NOMO1: variants seen among roughly 807,000 people sequenced by gnomAD.
The protein encoded by NOMO1 is nodal modulator 3.
NOMO1 carries 40 observed loss-of-function variants against 133.8 expected under a neutral mutation model. The ratio of observed to expected loss-of-function variants is 0.30; its 90% CI spans 0.23 to 0.39. The LOEUF (loss-of-function observed/expected upper bound fraction) is 0.39. Among genes scored for constraint, NOMO1 ranks in the 10% least tolerant of loss-of-function variants. The probability of loss-of-function intolerance (pLI) is 1.00; values close to 1 mark genes in which losing one functional copy is unlikely to be tolerated. For synonymous variants in NOMO1, 236 were observed against 570.5 expected (o/e 0.41, Z 8.36); for missense variants, 462 against 1,419.9 (o/e 0.33, Z 10.84).
chr16:14,859,112 T>C (rs1401457095), intron 11 of NOMO1, among the ~76,000 whole-genome samples: 3 of 151,860 alleles, frequency 2.0e-5, no homozygotes, highest in African/African-American at 4.8e-5. Flanking sequence ...AGAAGAACAG[T>C]AGGCCAAAAA....
chr16:14,837,395 T>C (rs879976976), intron 1 of NOMO1, among the ~76,000 whole-genome samples: 16 of 151,988 alleles, frequency 1.1e-4, no homozygotes, highest in African/African-American at 2.9e-4. Context: ...TGAAAAGGAG[T>C]GGCTCTGTGT....
intron 11 of NOMO1, among the ~76,000 whole-genome samples, chr16:14,861,655 AC>A (rs1010609353): frequency 5.5e-5 from 8 of 146,760 alleles, no homozygotes; most frequent in African/African-American, 2.0e-4. Flanking sequence ...GGACTGGGAC[AC>A]TTTCTCTGTG....
intron 2 of NOMO1, among the ~76,000 whole-genome samples, chr16:14,839,518 A>G (rs1171815806): frequency 2.6e-5 from 4 of 151,924 alleles, no homozygotes; most frequent in Middle Eastern, 6.8e-3. Context: ...ATCCTCCCAC[A>G]TATAAACCTT....
intron 9 of NOMO1, among the ~76,000 whole-genome samples, chr16:14,855,987 A>T (rs4781623): frequency 1.2e-4 from 19 of 152,154 alleles, no homozygotes; most frequent in African/African-American, 4.3e-4. Flanking sequence ...AAAAAAAAAT[A>T]AAAAAATAAA....
At position 14,866,620 on chromosome 16, in the gene NOMO1, G is replaced by A; in HGVS notation, c.1735G>A (p.Asp579Asn). The part of the protein sequence containing the change: ...KSLEVEVLED[D>N]MSAVEFRQTG... ...CCTGGAGGTGGAAGTGCTGGAGGAT[G>A]ACATGTCTGCAGTTGAGTTCAGGCA... The change falls in exon 15 of 31, where the codon GAC (aspartate) becomes AAC (asparagine). Residue 579 changes from aspartate to asparagine, a missense_variant. Asp to Asn is a conservative substitution (Grantham distance 23). Coordinates refer to ENST00000287667, the MANE Select transcript of NOMO1 (RefSeq NM_014287.4). The A allele has an allele frequency of 6.2e-7, 1 of 1,609,796 alleles. No homozygotes were observed. The highest frequency in any genetic ancestry group is 8.5e-7 in the Non-Finnish European group (1 of 1,179,710).
At chr16:14,871,977 G>A (rs1964088131) in intron 17 of NOMO1, among the ~76,000 whole-genome samples, 1 of 152,006 alleles carries the variant, frequency 6.6e-6, no homozygotes, top group African/African-American at 2.4e-5. Context: ...ATGGGCGTCT[G>A]TCAAGTTCAA....
At chr16:14,856,678 C>T (rs1268006289) in intron 9 of NOMO1, among the ~76,000 whole-genome samples, 1 of 151,942 alleles carries the variant, frequency 6.6e-6, no homozygotes, top group Non-Finnish European at 1.5e-5. Flanking sequence ...TCCCAAAGTG[C>T]TGGGATTACA....
At chr16:14,884,113 T>C (rs562196894) in intron 26 of NOMO1, among the ~76,000 whole-genome samples, 13 of 151,426 alleles carry the variant, frequency 8.6e-5, no homozygotes, top group African/African-American at 2.9e-4. Flanking sequence ...TGAAATTTCC[T>C]AATTTTTAAC....
At chr16:14,862,139 TG>T (rs1963930574) in intron 11 of NOMO1, among the ~76,000 whole-genome samples, 1 of 151,872 alleles carries the variant, frequency 6.6e-6, no homozygotes, top group African/African-American at 2.4e-5. Context: ...CCAACATTCT[TG>T]ATTATCTTTA....
intron 15 of NOMO1, among the ~76,000 whole-genome samples, chr16:14,866,969 T>C (rs1003602339): frequency 5.4e-5 from 8 of 148,620 alleles, no homozygotes; most frequent in Non-Finnish European, 1.0e-4. Flanking sequence ...ACACTGGCTT[T>C]ATATTATTAG....
chr16:14,884,613 C>T (rs1173435419), intron 27 of NOMO1, 131 bp downstream of exon 27: 5 of 1,339,650 alleles, frequency 3.7e-6, no homozygotes, highest in Non-Finnish European at 5.3e-6. Flanking sequence ...CAGAGCGCCG[C>T]CTGCTGAGGG....
chr16:14,874,444 G>T (rs1047518957), intron 18 of NOMO1, among the ~76,000 whole-genome samples: 8 of 152,008 alleles, frequency 5.3e-5, no homozygotes, highest in African/African-American at 1.9e-4. Flanking sequence ...GAGCTGCGTG[G>T]CGCATTCTCT....
chr16:14,838,560 A>G (rs1963556436), intron 2 of NOMO1, 64 bp downstream of exon 2: 2 of 1,611,636 alleles, frequency 1.2e-6, no homozygotes, highest in Admixed American at 3.3e-5. Context: ...AGGCTGCATT[A>G]ACCATGCCCT....
chr16:14,866,088 C>T (rs990561643), intron 14 of NOMO1, among the ~76,000 whole-genome samples: 16 of 148,344 alleles, frequency 1.1e-4, no homozygotes, highest in Non-Finnish European at 1.9e-4. Flanking sequence ...AATTTAGCCT[C>T]GCTCTGTCAC....
chr16:14,866,975 A>G (rs566101455), intron 15 of NOMO1, among the ~76,000 whole-genome samples: 2 of 148,006 alleles, frequency 1.4e-5, no homozygotes, highest in East Asian at 2.0e-4. Flanking sequence ...GCTTTATATT[A>G]TTAGTAATAA....
Position 14,886,838 on chromosome 16 carries a change from C to G in NOMO1, c.3300C>G (p.Phe1100Leu). 6.2e-7 allele frequency: 1 copy of G among 1,611,722 alleles called. No homozygotes were observed. Among genetic ancestry groups the G allele is most frequent in the Non-Finnish European group, 8.5e-7 (1 of 1,179,804 alleles). ...VSLGQSLFFH[F>L]PPLLRDGENY... ...TTGGCCAGTCCCTGTTCTTCCATTT[C>G]CCCCCACTGCTCAGAGACGGCGAGG... The change falls in exon 28 of 31, where the codon TTC becomes TTG. Residue 1100 changes from phenylalanine (F) to leucine (L), a missense_variant. Transcript: ENST00000287667.
rs745714254 is a variant in NOMO1, at chr16:14,878,871, C to G, written c.2757+37C>G. 2.5e-6 allele frequency: 4 copies of G among 1,603,078 alleles called. No homozygotes were observed. In the East Asian group the frequency reaches 6.7e-5, roughly 27 times the overall value. On this transcript the variant is annotated intron_variant, in intron 23 of 30. Transcript: ENST00000287667. ...TGCAATTTACCACCTGCCTGTCTTC[C>G]CTGAGAGAGAGCCAGGATGCAGCAT...
At chr16:14,889,033 T>C in intron 28 of NOMO1, 63 bp from the exon 29 acceptor site, 1 of 1,611,418 alleles carries the variant, frequency 6.2e-7, no homozygotes, top group Non-Finnish European at 8.5e-7. Context: ...CGTTAGGTTT[T>C]AGTTTTCATT....
Position 14,833,873 on chromosome 16 carries a change from G to C in NOMO1, c.22G>C (p.Gly8Arg). MLVGQGAGPLGPAVVTAA... is the reference protein window; with the variant it reads MLVGQGARPLGPAVVTAA... ...GGCCATGCTGGTGGGCCAGGGCGCG[G>C]GGCCGCTGGGGCCCGCGGTGGTCAC... is the stretch of plus-strand genomic sequence containing the variant. The change falls in exon 1 of 31, where the codon GGG becomes CGG. Residue 8 changes from glycine (G) to arginine (R), a missense_variant. Transcript: ENST00000287667. The C allele has an allele frequency of 3.5e-6, 3 of 867,374 alleles. No homozygotes were observed. The highest frequency in any genetic ancestry group is 3.9e-4 in the Middle Eastern group (1 of 2,544). 53.7% of individuals were successfully genotyped at this position (867,374 alleles called of 1,614,324 possible).
Sources: gnomAD v4.1 joint callset for allele counts (sites outside exome capture counted in the v4.1 genomes callset) on GRCh38, gnomAD v4.1.1 for gene constraint, MANE v1.5 for transcripts, NCBI Gene and HGNC (gene_info 2026-07-23, HGNC 2026-07-21) for gene names.